The following RCAN1 variants were observed in gnomAD, a reference collection of about 807,000 sequenced individuals.
RCAN1 encodes regulator of calcineurin 1.
In RCAN1, 11 loss-of-function variants were observed where a neutral mutation model predicts 22.9. The observed-to-expected ratio is 0.48, with a 90% CI of 0.30 to 0.79. The LOEUF (loss-of-function observed/expected upper bound fraction) is 0.79, where lower values mean the gene tolerates loss of function less well. Among genes scored for constraint, RCAN1 ranks in the 30% least tolerant of loss-of-function variants. RCAN1 has a pLI of 0.06. For missense variants in RCAN1, 291 were observed against 337.8 expected (o/e 0.86, Z 1.09); for synonymous variants, 136 against 142.3 (o/e 0.96, Z 0.32).
At chr21:34,561,679 C>T (rs1986793526) in intron 1 of RCAN1, among the ~76,000 whole-genome samples, 1 of 152,176 alleles carries the variant, frequency 6.6e-6, no homozygotes, top group African/African-American at 2.4e-5. Context: ...AAGAAGTTAG[C>T]TACCTCAGTA....
chr21:34,523,463 G>A (rs1391985224), intron 2 of RCAN1, 74 bp downstream of exon 2: 6 of 1,448,256 alleles, frequency 4.1e-6, no homozygotes, highest in African/African-American at 2.8e-5. Flanking sequence ...TATAACATAA[G>A]CAACGTATAA....
chr21:34,549,048 G>A (rs2298348), intron 1 of RCAN1, among the ~76,000 whole-genome samples: 36,697 of 152,146 alleles, frequency 0.24, 5,175 homozygotes, highest in African/African-American at 0.39. Context: ...CAGGTGCTAG[G>A]TGGTGTTCAA....
At chr21:34,525,037 G>C in intron 1 of RCAN1, 1 of 1,545,594 alleles carries the variant, frequency 6.5e-7, no homozygotes. Context: ...GGAAGAAGGG[G>C]ATGGCGCAGG....
At chr21:34,527,231 C>A (rs1405901725) in intron 1 of RCAN1, among the ~76,000 whole-genome samples, 1 of 152,130 alleles carries the variant, frequency 6.6e-6, no homozygotes, top group Admixed American at 6.5e-5. Context: ...TGGCAATAAA[C>A]AGCAATTAGA....
In RCAN1 at chr21:34,539,293, A is replaced by C. The variant is rs909085385; in HGVS notation, c.253-15583T>G. On this transcript the variant is annotated intron_variant, in intron 1 of 3. Transcript: ENST00000313806. Reference sequence around the variant, plus strand: ...ATACATCAAGATCCGTGATCAGATAATATACATGCTAAATTCATTCAGTAG... The same window carrying C: ...ATACATCAAGATCCGTGATCAGATACTATACATGCTAAATTCATTCAGTAG... 2.6e-5 allele frequency among the ~76,000 whole-genome samples: 4 copies of C among 152,238 alleles called. No individual in the cohort carries two copies. The East Asian group carries it at 5.8e-4, about 22-fold the overall frequency.
chr21:34,568,936 G>A (rs8129570), intron 1 of RCAN1, among the ~76,000 whole-genome samples: 4,200 of 152,278 alleles, frequency 0.028, 223 homozygotes, highest in African/African-American at 0.093. Context: ...GACAAAAGGT[G>A]CTTCTTACAT....
chr21:34,596,923 G>A (rs992567265), intron 1 of RCAN1, among the ~76,000 whole-genome samples: 3 of 152,192 alleles, frequency 2.0e-5, no homozygotes, highest in South Asian at 4.1e-4. Context: ...CACACACTGG[G>A]ACTTCGGTGA....
chr21:34,568,610 C>T (rs762337189), intron 1 of RCAN1, among the ~76,000 whole-genome samples: 13 of 152,250 alleles, frequency 8.5e-5, no homozygotes, highest in South Asian at 8.3e-4. Flanking sequence ...GCTAATCATA[C>T]GTGAAGGAGG....
At chr21:34,547,125 C>G (rs1371252173) in intron 1 of RCAN1, among the ~76,000 whole-genome samples, 1 of 152,162 alleles carries the variant, frequency 6.6e-6, no homozygotes, top group Non-Finnish European at 1.5e-5. Flanking sequence ...AGCCACTACC[C>G]CTGCCAAAAT....
chr21:34,606,980 T>C (rs1044903831), intron 1 of RCAN1, among the ~76,000 whole-genome samples: 24 of 152,252 alleles, frequency 1.6e-4, no homozygotes, highest in Non-Finnish European at 1.5e-5. Flanking sequence ...ATGCTATTGT[T>C]ATGTTGAGGA....
At chr21:34,589,120 C>T (rs1481220732) in intron 1 of RCAN1, among the ~76,000 whole-genome samples, 1 of 152,062 alleles carries the variant, frequency 6.6e-6, no homozygotes, top group East Asian at 1.9e-4. Flanking sequence ...ATATTTAATA[C>T]CTCTGAACTG....
Position 34,614,144 on chromosome 21 carries a change from A to C in RCAN1, c.252+616T>G. Reference sequence around the variant, plus strand: ...GTACTGGGTGTCCCCGATGGCGGCAAGCCACACCTTCACACAAGGGGGCAA... The same window carrying C: ...GTACTGGGTGTCCCCGATGGCGGCACGCCACACCTTCACACAAGGGGGCAA... On this transcript the variant is annotated intron_variant, in intron 1 of 3. Coordinates refer to ENST00000313806, the MANE Select transcript of RCAN1 (RefSeq NM_004414.7). This position sits in a 1 kb window ranked among gnomAD's most constrained non-coding sequence, Gnocchi z 6.0. 1 of 785,780 alleles carries C rather than the reference A, an allele frequency of 1.3e-6. No individual in the cohort carries two copies. Among genetic ancestry groups the C allele is most frequent in the Non-Finnish European group, 1.6e-6 (1 of 620,534 alleles). 48.7% of individuals were successfully genotyped at this position (785,780 alleles called of 1,614,324 possible).
chr21:34,600,329 T>C (rs1041747), intron 1 of RCAN1, among the ~76,000 whole-genome samples: 47,583 of 152,092 alleles, frequency 0.31, 7,685 homozygotes, highest in East Asian at 0.45. Flanking sequence ...TTGATTTTGC[T>C]CTCTTAAGGT....
intron 3 of RCAN1, 72 bp downstream of exon 3, chr21:34,521,427 G>C (rs1328294999): frequency 6.2e-7 from 1 of 1,609,072 alleles, no homozygotes; most frequent in African/African-American, 1.3e-5. Context: ...GGGTAGTGGT[G>C]GTACTGCTCC....
intron 1 of RCAN1, among the ~76,000 whole-genome samples, chr21:34,543,424 T>C (rs2284579): frequency 0.93 from 141,820 of 152,242 alleles, 66,099 homozygotes; most frequent in African/African-American, 0.95. Flanking sequence ...CTTTGGAACC[T>C]GGGAAAAGGC....
At chr21:34,596,908 G>A (rs538448046) in intron 1 of RCAN1, among the ~76,000 whole-genome samples, 4 of 152,328 alleles carry the variant, frequency 2.6e-5, no homozygotes, top group Non-Finnish European at 5.9e-5. Flanking sequence ...CTGTGCGTTG[G>A]TCTGCACACA....
chr21:34,583,177 C>CT (rs1568922372), intron 1 of RCAN1, among the ~76,000 whole-genome samples: 11 of 107,028 alleles, frequency 1.0e-4, no homozygotes, highest in East Asian at 8.9e-4. Context: ...GGCGATAGGG[C>CT]CTTTTTTTTT....
At chr21:34,602,668 A>C (rs1399131469) in intron 1 of RCAN1, among the ~76,000 whole-genome samples, 2 of 152,178 alleles carry the variant, frequency 1.3e-5, no homozygotes, top group Admixed American at 1.3e-4. Flanking sequence ...TCACTACTTG[A>C]CTAGAGTGGT....
intron 1 of RCAN1, 193 bp from the exon 2 acceptor site, chr21:34,523,903 C>T (rs1984806953): frequency 2.4e-6 from 1 of 424,852 alleles, no homozygotes. Flanking sequence ...CTGCCTCAGC[C>T]TCCCGAGTAG....
Sources: allele counts gnomAD v4.1 joint callset (sites outside exome capture counted in the v4.1 genomes callset), GRCh38; gene constraint gnomAD v4.1.1; non-coding constraint Gnocchi (gnomAD v3.1); transcripts MANE v1.5; gene names NCBI Gene and HGNC (gene_info 2026-07-23, HGNC 2026-07-21).